STOML3: variants seen among roughly 807,000 people sequenced by gnomAD.
The protein encoded by STOML3 is stomatin-like protein 3.
STOML3 carries 31 observed loss-of-function variants against 29.5 expected under a neutral mutation model. That is an observed-to-expected ratio of 1.05 (90% confidence interval 0.79 to 1.42). The LOEUF is 1.42. Among genes scored for constraint, STOML3 ranks in the 40% most tolerant of loss-of-function variants. The probability of loss-of-function intolerance (pLI) is 0.00; values close to 1 mark genes in which losing one functional copy is unlikely to be tolerated. For missense variants in STOML3, 380 were observed against 363.0 expected (o/e 1.05, Z -0.38); for synonymous variants, 122 against 139.8 (o/e 0.87, Z 0.90).
intron 1 of STOML3, among the ~76,000 whole-genome samples, chr13:38,984,602 GT>G (rs1212840966): frequency 6.6e-6 from 1 of 152,126 alleles, no homozygotes; most frequent in East Asian, 1.9e-4. Flanking sequence ...TGCTGTACAG[GT>G]GTGTAGCCTA....
intron 6 of STOML3, among the ~76,000 whole-genome samples, chr13:38,967,883 G>C (rs929702386): frequency 1.3e-5 from 2 of 152,060 alleles, no homozygotes; most frequent in African/African-American, 2.4e-5. Flanking sequence ...TCAGAGCCAG[G>C]GTGCACTTAC....
At chr13:38,969,058 C>G (rs1209296222) in intron 5 of STOML3, among the ~76,000 whole-genome samples, 1 of 152,202 alleles carries the variant, frequency 6.6e-6, no homozygotes, top group Non-Finnish European at 1.5e-5. Flanking sequence ...AGATATCTCT[C>G]AGTACCCAGC....
intron 1 of STOML3, among the ~76,000 whole-genome samples, chr13:38,989,999 TTTTCTCATTTGTAAAATGAGATTCTAAG>T (rs1868936220): frequency 6.6e-6 from 1 of 152,078 alleles, no homozygotes; most frequent in Non-Finnish European, 1.5e-5. Context: ...CAATGCTCAG[TTTTCTCATTTGTAAAATGAGATTCTAAG>T]AGGATCTACC....
intron 1 of STOML3, among the ~76,000 whole-genome samples, chr13:38,986,102 CA>C (rs1868534588): frequency 7.2e-6 from 1 of 138,782 alleles, no homozygotes; most frequent in African/African-American, 2.7e-5. Context: ...TGCCCCTGGA[CA>C]TGATCTCGAG....
intron 3 of STOML3, among the ~76,000 whole-genome samples, chr13:38,975,674 G>C (rs1286797788): frequency 1.3e-5 from 2 of 152,126 alleles, no homozygotes. Context: ...ATATTTGGGA[G>C]TCAAAACAAA....
chr13:38,982,925 C>A (rs1881317367), intron 1 of STOML3, among the ~76,000 whole-genome samples: 1 of 152,046 alleles, frequency 6.6e-6, no homozygotes, highest in Non-Finnish European at 1.5e-5. Flanking sequence ...TCTTTGTCAC[C>A]TTATATAAAA....
chr13:38,985,315 C>G (rs191764582), intron 1 of STOML3, among the ~76,000 whole-genome samples: 1 of 152,036 alleles, frequency 6.6e-6, no homozygotes, highest in East Asian at 1.9e-4. Context: ...CCCAGCTGCT[C>G]AAAAGGCTGA....
At chr13:38,974,480 G>C (rs1880999828) in intron 3 of STOML3, among the ~76,000 whole-genome samples, 2 of 152,006 alleles carry the variant, frequency 1.3e-5, no homozygotes, top group Admixed American at 1.3e-4. Context: ...TTGTGACCAG[G>C]GAAAACTCAC....
In STOML3 at chr13:38,984,573, A is replaced by G. The variant is rs147484945; in HGVS notation, c.52+6097T>C. Among the ~76,000 whole-genome samples the G allele has an allele frequency of 4.0e-4, 61 of 152,314 alleles. 2 individuals are homozygous for G. In the East Asian group the frequency reaches 0.011, roughly 28 times the overall value. On this transcript the variant is annotated intron_variant, in intron 1 of 6. Transcript: ENST00000379631. The stretch of plus-strand genomic sequence containing the variant: ...TTACCATAGTGTTACAACTGCTTAC[A>G]GTATTCAGTACAGTGACATGCTGTA...
chr13:38,985,902 C>CTTTTTTTT (rs1371193997), intron 1 of STOML3, among the ~76,000 whole-genome samples: 2 of 35,434 alleles, frequency 5.6e-5, no homozygotes, highest in Non-Finnish European at 1.1e-4. Context: ...TTTTTTTTTT[C>CTTTTTTTT]TTTTCTTTCT....
chr13:38,988,863 G>T, intron 1 of STOML3, among the ~76,000 whole-genome samples: 1 of 141,180 alleles, frequency 7.1e-6, no homozygotes, highest in Non-Finnish European at 1.5e-5. Flanking sequence ...TATATATGCT[G>T]TATTATATAA....
intron 3 of STOML3, 41 bp downstream of exon 3, chr13:38,976,499 T>C (rs1273006748): frequency 6.2e-7 from 1 of 1,607,522 alleles, no homozygotes; most frequent in South Asian, 1.1e-5. Flanking sequence ...TAGTATTAGG[T>C]GTCCCTGATC....
intron 1 of STOML3, among the ~76,000 whole-genome samples, chr13:38,978,630 T>C (rs745604562): frequency 1.7e-4 from 26 of 152,206 alleles, no homozygotes; most frequent in African/African-American, 6.3e-4. Flanking sequence ...TCTCAGTTAA[T>C]GCCTTCACCA....
In STOML3 at chr13:38,988,236, TTA is replaced by T. The variant is rs1260985619; in HGVS notation, c.52+2432_52+2433del. The stretch of plus-strand genomic sequence containing the variant: ...TATATGATATTTTATATCATATATT[TTA>T]TATATAATATATTATATTTTATATC... On this transcript the variant is annotated intron_variant, in intron 1 of 6. Transcript: ENST00000379631. Among the ~76,000 whole-genome samples the T allele has an allele frequency of 2.2e-5, 2 of 90,192 alleles. 1 individual carries two copies. The highest frequency in any genetic ancestry group is 1.1e-4 in the African/African-American group (2 of 18,954). The allele number at this position is 90,192 out of a possible 152,430, so 59.2% of individuals were successfully genotyped here. A position where few individuals can be genotyped will look rare whatever the true frequency, so the allele number is the denominator to read the frequency against.
intron 1 of STOML3, among the ~76,000 whole-genome samples, chr13:38,977,218 T>C (rs1425859875): frequency 6.6e-6 from 1 of 152,182 alleles, no homozygotes; most frequent in African/African-American, 2.4e-5. Flanking sequence ...GTAAGTACTA[T>C]TATCCCCAGA....
At chr13:38,976,463 A>G in intron 3 of STOML3, 77 bp downstream of exon 3, 1 of 1,533,386 alleles carries the variant, frequency 6.5e-7, no homozygotes, top group Non-Finnish European at 9.0e-7. Flanking sequence ...AGGCACCACC[A>G]GGAAAAATAT....
chr13:38,974,756 G>A (rs1881007803), intron 3 of STOML3, among the ~76,000 whole-genome samples: 1 of 152,074 alleles, frequency 6.6e-6, no homozygotes, highest in African/African-American at 2.4e-5. Flanking sequence ...GTTATCCTGA[G>A]ACATTTAATA....
At chr13:38,989,014 A>T (rs1315485109) in intron 1 of STOML3, among the ~76,000 whole-genome samples, 3 of 146,704 alleles carry the variant, frequency 2.0e-5, no homozygotes, top group African/African-American at 7.4e-5. Context: ...TATATACTAT[A>T]TTATATAAGA....
intron 1 of STOML3, among the ~76,000 whole-genome samples, chr13:38,985,907 C>CTTTTTTT (rs1868500200): frequency 7.2e-4 from 17 of 23,676 alleles, no homozygotes; most frequent in Non-Finnish European, 1.1e-3. Context: ...TTTTTCTTTT[C>CTTTTTTT]TTTCTTTTTT....
Sources: gnomAD v4.1 joint callset for allele counts (sites outside exome capture counted in the v4.1 genomes callset) on GRCh38, gnomAD v4.1.1 for gene constraint, MANE v1.5 for transcripts, NCBI Gene and HGNC (gene_info 2026-07-23, HGNC 2026-07-21) for gene names.